Variants in NBEAL1 observed in about 807,000 individuals in gnomAD.
The protein encoded by NBEAL1 is neurobeachin-like protein 1.
A neutral mutation model predicts 351.3 loss-of-function variants in NBEAL1; 273 were observed. The observed-to-expected ratio is 0.78, with a 90% CI of 0.70 to 0.86. The LOEUF (loss-of-function observed/expected upper bound fraction) is 0.86. Among genes scored for constraint, NBEAL1 ranks in the 40% least tolerant of loss-of-function variants. The pLI is 0.00. For missense variants in NBEAL1, 2,961 were observed against 3,201.3 expected, an observed-to-expected ratio of 0.92 and a Z score of 1.81; for synonymous variants, 1,050 against 1,086.4, an observed-to-expected ratio of 0.97 and a Z score of 0.66.
chr2:203,190,150 A>T, intron 45 of NBEAL1, 142 bp from the exon 46 acceptor site: 1 of 542,728 alleles, frequency 1.8e-6, no homozygotes, highest in Non-Finnish European at 3.1e-6. Flanking sequence ...AAAAAAAAAA[A>T]GATGTGTGTA....
intron 39 of NBEAL1, among the ~76,000 whole-genome samples, chr2:203,170,373 AAATAAT>A (rs1200894396): frequency 5.3e-5 from 8 of 151,828 alleles, no homozygotes; most frequent in East Asian, 1.9e-4. Flanking sequence ...ACTCTGTCAC[AAATAAT>A]AATAATAATA....
At chr2:203,196,290 A>T (rs1056575181) in intron 47 of NBEAL1, among the ~76,000 whole-genome samples, 22 of 152,222 alleles carry the variant, frequency 1.4e-4, no homozygotes, top group African/African-American at 5.1e-4. Flanking sequence ...AGCTTTCTCC[A>T]GGACACATTC....
intron 53 of NBEAL1, among the ~76,000 whole-genome samples, chr2:203,210,084 C>T (rs998217934): frequency 2.6e-5 from 4 of 152,012 alleles, no homozygotes; most frequent in Admixed American, 6.6e-5. Context: ...TTTGGGGGGC[C>T]GCGAGTGGTG....
chr2:203,138,095 T>C, intron 29 of NBEAL1, 67 bp from the exon 30 acceptor site: 1 of 1,492,888 alleles, frequency 6.7e-7, no homozygotes, highest in Non-Finnish European at 9.2e-7. Context: ...TATTTTGTTT[T>C]GTTTTTAATG....
intron 2 of NBEAL1, among the ~76,000 whole-genome samples, chr2:203,035,633 C>G (rs1013708290): frequency 6.7e-6 from 1 of 149,074 alleles, no homozygotes; most frequent in African/African-American, 2.4e-5. Flanking sequence ...ATTTAGTGCT[C>G]TCAACAGCCC....
At chr2:203,122,721 C>A (rs2062856882) in intron 19 of NBEAL1, among the ~76,000 whole-genome samples, 1 of 152,164 alleles carries the variant, frequency 6.6e-6, no homozygotes, top group Non-Finnish European at 1.5e-5. Flanking sequence ...TATGTCACAG[C>A]TGGAACTTTG....
chr2:203,134,409 G>A (rs745907849), intron 27 of NBEAL1, among the ~76,000 whole-genome samples: 6 of 152,280 alleles, frequency 3.9e-5, no homozygotes, highest in African/African-American at 4.8e-5. Flanking sequence ...AGTAACAGTT[G>A]CTCACTGATT....
At chr2:203,133,854 G>A (rs1006886641) in intron 27 of NBEAL1, among the ~76,000 whole-genome samples, 2 of 151,480 alleles carry the variant, frequency 1.3e-5, no homozygotes, top group Non-Finnish European at 2.9e-5. Context: ...TAATATATAT[G>A]TATAATTTCC....
rs1173355314 is a variant in NBEAL1 at position 203,132,027 on chromosome 2, A to G, written c.3619A>G (p.Ile1207Val). The change falls in exon 26 of 56, where the codon ATT becomes GTT. Residue 1207 changes from isoleucine to valine, a missense_variant. By Grantham distance (29) the Ile-to-Val change is conservative. Coordinates refer to ENST00000683969, the MANE Select transcript of NBEAL1 (RefSeq NM_001378026.1). The stretch of plus-strand genomic sequence containing the variant: ...CGTTTATGAGCGTAGTAAACAACAT[A>G]TTCGACTCAGAGAAGTTGGCTACTC... ...TNVYERSKQH[I>V]RLREVGYSGL... The G allele has an allele frequency of 6.4e-7, 1 of 1,554,842 alleles. No individual in the cohort carries two copies. The highest frequency in any genetic ancestry group is 1.4e-5 in the African/African-American group (1 of 73,800).
intron 35 of NBEAL1, among the ~76,000 whole-genome samples, chr2:203,154,424 A>G (rs532790239): frequency 1.2e-4 from 18 of 151,716 alleles, no homozygotes; most frequent in African/African-American, 4.4e-4. Context: ...AGTTTTGTCT[A>G]CTCCTTAGTT....
intron 36 of NBEAL1, 78 bp from the exon 37 acceptor site, chr2:203,166,065 ATTATAT>A: frequency 8.0e-7 from 1 of 1,252,446 alleles, no homozygotes; most frequent in Non-Finnish European, 1.1e-6. Context: ...AAAAAAAGAG[ATTATAT>A]TTAAATGTGG....
intron 7 of NBEAL1, among the ~76,000 whole-genome samples, chr2:203,070,476 G>T (rs1463060767): frequency 6.8e-6 from 1 of 147,422 alleles, no homozygotes; most frequent in Non-Finnish European, 1.5e-5. Context: ...TGATTTTCTT[G>T]CCTCAGCCTC....
intron 44 of NBEAL1, among the ~76,000 whole-genome samples, chr2:203,185,196 G>A (rs2064859572): frequency 6.6e-6 from 1 of 152,122 alleles, no homozygotes. Flanking sequence ...CTTTATTGTA[G>A]GCATGTAGGC....
chr2:203,023,221 T>G (rs1046999622), intron 2 of NBEAL1, among the ~76,000 whole-genome samples: 2 of 152,228 alleles, frequency 1.3e-5, no homozygotes, highest in Non-Finnish European at 2.9e-5. Context: ...CCTTATAATT[T>G]AAGCCACATT....
intron 6 of NBEAL1, among the ~76,000 whole-genome samples, chr2:203,065,837 C>T (rs918952040): frequency 6.6e-6 from 1 of 152,086 alleles, no homozygotes; most frequent in Non-Finnish European, 1.5e-5. Context: ...ACAGCCCTCT[C>T]AGAAACTGGT....
chr2:203,167,693 A>G (rs1266282450), intron 38 of NBEAL1, among the ~76,000 whole-genome samples: 1 of 152,186 alleles, frequency 6.6e-6, no homozygotes, highest in Non-Finnish European at 1.5e-5. Flanking sequence ...TGAGGAATCT[A>G]TTTCTTCTAG....
In NBEAL1 at chr2:203,209,247, C is replaced by T. The variant is rs2105842672; in HGVS notation, c.7710C>T (p.Thr2570=). The change falls in exon 53 of 56, where the codon ACC becomes ACT. Residue 2570 remains threonine, a synonymous_variant. Coordinates refer to ENST00000683969, the MANE Select transcript of NBEAL1 (RefSeq NM_001378026.1). Reference sequence around the variant, plus strand: ...CTTGTGAGAGTTCTCTGTTCCTGACCATTCCTAATTTGGCTATATCTTGGG... The same window carrying T: ...CTTGTGAGAGTTCTCTGTTCCTGACTATTCCTAATTTGGCTATATCTTGGG... ...RPPCESSLFL[T]IPNLAISWEG... 3 of 1,613,636 alleles carry T rather than the reference C, an allele frequency of 1.9e-6. No homozygotes were observed. Among genetic ancestry groups the T allele is most frequent in the Middle Eastern group, 1.7e-4 (1 of 6,060 alleles).
chr2:203,020,019 GATAA>G (rs1380710343), intron 2 of NBEAL1, among the ~76,000 whole-genome samples: 3 of 146,508 alleles, frequency 2.0e-5, no homozygotes, highest in East Asian at 1.9e-4. Context: ...AATTTTAATT[GATAA>G]ATAATTTTAA....
chr2:203,192,026 G>A (rs956521784), intron 46 of NBEAL1, among the ~76,000 whole-genome samples: 2 of 152,180 alleles, frequency 1.3e-5, no homozygotes, highest in African/African-American at 2.4e-5. Flanking sequence ...CAACAGTAGT[G>A]TATCTAAGCT....
Sources: gnomAD v4.1 joint callset for allele counts (sites outside exome capture counted in the v4.1 genomes callset) on GRCh38, gnomAD v4.1.1 for gene constraint, MANE v1.5 for transcripts, NCBI Gene and HGNC (gene_info 2026-07-23, HGNC 2026-07-21) for gene names.